TMC2: variants seen among roughly 807,000 people sequenced by gnomAD.
TMC2 encodes transmembrane channel like 2, also known as transmembrane channel-like protein 2.
In TMC2, 102 loss-of-function variants were observed where a neutral mutation model predicts 105.9. That is an observed-to-expected ratio of 0.96 (90% CI 0.82 to 1.14). The LOEUF (loss-of-function observed/expected upper bound fraction) is 1.14. TMC2 is among the 50% of genes most tolerant of loss of function. TMC2 has a pLI of 0.00. For missense variants in TMC2, 1,093 were observed against 1,134.3 expected (o/e 0.96, Z 0.52); for synonymous variants, 402 against 422.8 (o/e 0.95, Z 0.60).
chr20:2,601,660 G>C (rs1171971180), intron 10 of TMC2, among the ~76,000 whole-genome samples: 3 of 152,086 alleles, frequency 2.0e-5, no homozygotes, highest in Admixed American at 1.3e-4. Context: ...GACCAACATG[G>C]AGAAACCCCA....
intron 3 of TMC2, among the ~76,000 whole-genome samples, chr20:2,560,345 G>C (rs1277777628): frequency 6.6e-6 from 1 of 151,968 alleles, no homozygotes; most frequent in African/African-American, 2.4e-5. Context: ...TGCTCCCCAG[G>C]AGTTAATCAG....
At chr20:2,623,552 C>G (rs554381217) in intron 16 of TMC2, among the ~76,000 whole-genome samples, 3 of 150,098 alleles carry the variant, frequency 2.0e-5, no homozygotes, top group Non-Finnish European at 3.0e-5. Context: ...AAAAAAAAGA[C>G]AGAGAGAGAG....
intron 2 of TMC2, among the ~76,000 whole-genome samples, chr20:2,537,767 G>T (rs918083601): frequency 6.6e-6 from 1 of 152,158 alleles, no homozygotes; most frequent in Admixed American, 6.5e-5. Context: ...GCCGGTGAGG[G>T]AGCCAACTTG....
chr20:2,542,070 G>T (rs936246889), intron 2 of TMC2, among the ~76,000 whole-genome samples: 1 of 152,100 alleles, frequency 6.6e-6, no homozygotes, highest in Non-Finnish European at 1.5e-5. Context: ...TTGGAGAGGA[G>T]AATTTTTTTC....
intron 5 of TMC2, among the ~76,000 whole-genome samples, chr20:2,573,920 G>A (rs1300713788): frequency 1.3e-5 from 2 of 152,024 alleles, no homozygotes; most frequent in African/African-American, 4.8e-5. Context: ...TTTTTGTTGG[G>A]TTCTCCTAAA....
chr20:2,547,453 G>T (rs1446955130), intron 2 of TMC2, among the ~76,000 whole-genome samples: 1 of 152,170 alleles, frequency 6.6e-6, no homozygotes, highest in Non-Finnish European at 1.5e-5. Context: ...ACCTACACAA[G>T]TTAACCTAGA....
chr20:2,639,300 T>G (rs1371248859), intron 19 of TMC2, among the ~76,000 whole-genome samples: 1 of 152,202 alleles, frequency 6.6e-6, no homozygotes, highest in African/African-American at 2.4e-5. Context: ...CATCACCCAC[T>G]CACTGACTCA....
At chr20:2,632,632 C>T (rs2086611540) in intron 17 of TMC2, among the ~76,000 whole-genome samples, 1 of 152,012 alleles carries the variant, frequency 6.6e-6, no homozygotes, top group Admixed American at 6.6e-5. Context: ...CTCTGTTGCC[C>T]AGGCTGGAAT....
intron 8 of TMC2, among the ~76,000 whole-genome samples, chr20:2,594,111 G>A (rs1328410121): frequency 6.6e-6 from 1 of 152,036 alleles, no homozygotes; most frequent in Non-Finnish European, 1.5e-5. Context: ...TGGCTGTAGT[G>A]CTGCCCACAG....
At chr20:2,591,765 G>A (rs984401115) in intron 7 of TMC2, among the ~76,000 whole-genome samples, 1 of 151,562 alleles carries the variant, frequency 6.6e-6, no homozygotes, top group Admixed American at 6.6e-5. Context: ...GAAAAGGAAA[G>A]GAAAAGAAAA....
chr20:2,569,232 T>G (rs2086085867), intron 4 of TMC2, among the ~76,000 whole-genome samples: 1 of 152,194 alleles, frequency 6.6e-6, no homozygotes. Flanking sequence ...TTCCTGAAGA[T>G]TTAACAATCT....
intron 2 of TMC2, among the ~76,000 whole-genome samples, chr20:2,552,779 G>A (rs1305659785): frequency 6.6e-6 from 1 of 152,094 alleles, no homozygotes; most frequent in Non-Finnish European, 1.5e-5. Flanking sequence ...ACCTCCCAAA[G>A]TGCTGGGATT....
chr20:2,610,476 G>A lies in TMC2; in HGVS notation c.1471G>A (p.Ala491Thr), dbSNP rs150688244. Residue 491 changes from alanine (A) to threonine (T), a missense_variant, in exon 12 of 20, where the codon GCT becomes ACT. Coordinates refer to ENST00000358864, the MANE Select transcript of TMC2 (RefSeq NM_080751.3). ...MFCPPLFETI[A>T]ALENYHPRTG... ...TTGTCCCCCTCTGTTTGAAACCATC[G>A]CTGCCCTGGAGAATTACCACCCACG... 2,399 of 1,613,468 alleles carry A rather than the reference G, an allele frequency of 1.5e-3. 37 individuals are homozygous for A. The African/African-American group carries it at 0.026, about 18-fold the overall frequency.
At chr20:2,612,088 T>A (rs1476179983) in intron 12 of TMC2, 103 bp from the exon 13 acceptor site, 2 of 1,195,516 alleles carry the variant, frequency 1.7e-6, no homozygotes, top group Non-Finnish European at 2.3e-6. Context: ...GAGCAGAAGC[T>A]AGATGGTAGG....
At chr20:2,607,520 C>G (rs868530113) in intron 11 of TMC2, among the ~76,000 whole-genome samples, 1 of 152,154 alleles carries the variant, frequency 6.6e-6, no homozygotes, top group Non-Finnish European at 1.5e-5. Flanking sequence ...ATTATTGGAC[C>G]GAGCAGAGTT....
intron 14 of TMC2, chr20:2,613,532 C>A (rs2086459099): frequency 1.6e-6 from 1 of 610,450 alleles, no homozygotes; most frequent in Non-Finnish European, 2.8e-6. Context: ...GTGTAATGAA[C>A]AATGTGACCT....
intron 3 of TMC2, among the ~76,000 whole-genome samples, chr20:2,560,943 G>C (rs1260559100): frequency 6.6e-6 from 1 of 152,152 alleles, no homozygotes; most frequent in Non-Finnish European, 1.5e-5. Flanking sequence ...CTGGGAGATG[G>C]GGAGCTCCCC....
chr20:2,543,948 G>A (rs1471985890), intron 2 of TMC2, among the ~76,000 whole-genome samples: 1 of 149,672 alleles, frequency 6.7e-6, no homozygotes, highest in Non-Finnish European at 1.5e-5. Flanking sequence ...TGTCACCCAG[G>A]CTGAAGTGCA....
At chr20:2,578,728 T>A (rs2086165295) in intron 5 of TMC2, among the ~76,000 whole-genome samples, 1 of 152,270 alleles carries the variant, frequency 6.6e-6, no homozygotes, top group Non-Finnish European at 1.5e-5. Flanking sequence ...GGCACTTGGC[T>A]GTCTGCCAGA....
Sources: allele counts gnomAD v4.1 joint callset (sites outside exome capture counted in the v4.1 genomes callset), GRCh38; gene constraint gnomAD v4.1.1; transcripts MANE v1.5; gene names NCBI Gene and HGNC (gene_info 2026-07-23, HGNC 2026-07-21).